TRIM48: variants seen among roughly 807,000 people sequenced by gnomAD.
TRIM48 encodes E3 ubiquitin-protein ligase TRIM48.
A neutral mutation model predicts 29.5 loss-of-function variants in TRIM48; 31 were observed. That is an observed-to-expected ratio of 1.05 (90% CI 0.79 to 1.42). TRIM48 has a LOEUF of 1.42. Among genes scored for constraint, TRIM48 ranks in the 40% most tolerant of loss-of-function variants. The pLI, the probability that TRIM48 is intolerant of heterozygous loss-of-function variation, is 0.00. For synonymous variants in TRIM48, 128 were observed against 90.6 expected (o/e 1.41, Z -2.34); for missense variants, 344 against 265.0 (o/e 1.30, Z -2.07).
chr11:55,271,112 A>G lies in TRIM48; in HGVS notation c.*677A>G. ...ACTATTAAATGTAGTAAAAACACTA[A>G]AAGTATATATATTGGTTCTTTATTA... is the stretch of plus-strand genomic sequence containing the variant. On this transcript the variant is annotated 3_prime_UTR_variant, in exon 6 of 6. Transcript: ENST00000417545. 2.5e-6 allele frequency: 2 copies of G among 791,178 alleles called. No homozygotes were observed. Among genetic ancestry groups the G allele is most frequent in the Non-Finnish European group, 3.6e-6 (2 of 553,582 alleles). The allele number at this position is 791,178 out of a possible 1,614,324, so 49.0% of individuals were successfully genotyped here.
At chr11:55,267,049 A>T (rs1161096686) in intron 3 of TRIM48, among the ~76,000 whole-genome samples, 1 of 148,134 alleles carries the variant, frequency 6.8e-6, no homozygotes, top group African/African-American at 2.5e-5. Context: ...CATATCTCAG[A>T]AATAGAAATA....
chr11:55,268,910 T>G (rs566261923), intron 4 of TRIM48, among the ~76,000 whole-genome samples: 12 of 147,882 alleles, frequency 8.1e-5, no homozygotes, highest in East Asian at 6.5e-4. Flanking sequence ...CCAGAACCCC[T>G]CTATTTCAGA....
rs139681981 is a variant in TRIM48, at chr11:55,265,893, C to G, written c.555+198C>G. On this transcript the variant is annotated intron_variant, in intron 3 of 5. Coordinates refer to ENST00000417545, the MANE Select transcript of TRIM48 (RefSeq NM_024114.5). The stretch of plus-strand genomic sequence containing the variant: ...TATTAGATGGGATTTCTAACAAAAC[C>G]GTTGATGTTACCCAAAGCATGCTGA... Among the ~76,000 whole-genome samples, 1,016 of 146,980 alleles carry G rather than the reference C, an allele frequency of 6.9e-3. 92 individuals carry two copies. The highest frequency in any genetic ancestry group is 0.024 in the African/African-American group (981 of 40,278).
chr11:55,263,324 G>A (rs922886428), intron 1 of TRIM48, among the ~76,000 whole-genome samples: 1 of 151,912 alleles, frequency 6.6e-6, no homozygotes, highest in Admixed American at 6.6e-5. Flanking sequence ...ATACCATCTA[G>A]GTTTGTAAAG....
At position 55,269,948 on chromosome 11, in the gene TRIM48, G is replaced by A. The variant is rs1348653803; in HGVS notation, c.*2-489G>A. Among the ~76,000 whole-genome samples the A allele has an allele frequency of 1.4e-5, 2 of 147,612 alleles. 1 individual carries two copies. The highest frequency in any genetic ancestry group is 5.0e-5 in the African/African-American group (2 of 40,358). ...TAACATGGAGGGCCACAGAGAGACT[G>A]GTAAAAGATTTTGCAGAAATCTGCT... On this transcript the variant is annotated intron_variant, in intron 5 of 5. Transcript: ENST00000417545.
At chr11:55,267,771 A>G (rs953363113) in intron 3 of TRIM48, 2 of 1,404,870 alleles carry the variant, frequency 1.4e-6, no homozygotes, top group Admixed American at 2.1e-5. Flanking sequence ...AACTAATGCT[A>G]CTTTATTGGG....
rs1016259762 is a variant in TRIM48, at chr11:55,267,787, A to G, written c.556-563A>G. Among the ~76,000 whole-genome samples the G allele has an allele frequency of 1.2e-4, 17 of 147,792 alleles. 2 individuals are homozygous for G. Among genetic ancestry groups the G allele is most frequent in the Non-Finnish European group, 2.1e-4 (14 of 66,892 alleles). ...ACTAATGCTACTTTATTGGGAGAGT[A>G]TAGCCCCGCCAAGGGATCCTACCAG... On this transcript the variant is annotated intron_variant, in intron 3 of 5. Coordinates refer to ENST00000417545, the MANE Select transcript of TRIM48 (RefSeq NM_024114.5).
chr11:55,267,447 A>G, intron 3 of TRIM48: 1 of 1,579,042 alleles, frequency 6.3e-7, no homozygotes, highest in South Asian at 1.2e-5. Flanking sequence ...AAAGCTGAGT[A>G]TCAGAAGATG....
At chr11:55,267,707 A>C in intron 3 of TRIM48, 2 of 1,532,706 alleles carry the variant, frequency 1.3e-6, no homozygotes, top group Non-Finnish European at 1.8e-6. Flanking sequence ...TCATGGCTGA[A>C]ATCCATCTCC....
At chr11:55,264,832 T>A in intron 1 of TRIM48, 68 bp from the exon 2 acceptor site, 1 of 1,561,972 alleles carries the variant, frequency 6.4e-7, no homozygotes, top group Non-Finnish European at 8.7e-7. Flanking sequence ...CTATCACTTA[T>A]CTCCACATGT....
At chr11:55,262,553 G>A (rs1183610111) in intron 1 of TRIM48, among the ~76,000 whole-genome samples, 1 of 152,000 alleles carries the variant, frequency 6.6e-6, no homozygotes, top group Admixed American at 6.6e-5. Flanking sequence ...AGATATGTAT[G>A]CATAATGAAT....
rs1263054228 is a variant in TRIM48, at chr11:55,265,127, C to G, written c.272C>G (p.Ser91Cys). Residue 91 changes from serine to cysteine, a missense_variant, in exon 2 of 6, where the codon TCC becomes TGC. Physicochemically the swap from Ser to Cys is moderately radical, Grantham distance 112. Coordinates refer to ENST00000417545, the MANE Select transcript of TRIM48 (RefSeq NM_024114.5). ...AACATTCGATTGAAGAAGATGGCTTCCCTTGCCAGAAAAGCCAGTCTCTGG... is the reference window on the plus strand; with the variant it reads ...AACATTCGATTGAAGAAGATGGCTTGCCTTGCCAGAAAAGCCAGTCTCTGG... ...KTNIRLKKMA[S>C]LARKASLWLF... 5 of 1,582,590 alleles carry G rather than the reference C, an allele frequency of 3.2e-6. No individual in the cohort carries two copies. The highest frequency in any genetic ancestry group is 4.3e-6 in the Non-Finnish European group (5 of 1,166,124).
intron 1 of TRIM48, among the ~76,000 whole-genome samples, chr11:55,262,952 T>A (rs953253229): frequency 3.9e-5 from 6 of 152,242 alleles, no homozygotes; most frequent in Admixed American, 3.3e-4. Context: ...TTTCATTGCT[T>A]TCACTAAAAT....
rs1189658013 is a variant in TRIM48, at chr11:55,262,307, C to T, written c.40C>T (p.Gln14Ter). Residue 14 changes from glutamine (Q) to a stop codon, truncating the protein, a stop_gained, in exon 1 of 6, where the codon CAG becomes TAG. Coordinates refer to ENST00000417545, the MANE Select transcript of TRIM48 (RefSeq NM_024114.5). LOFTEE classifies it high-confidence loss of function. The stretch of plus-strand genomic sequence containing the variant: ...CATTGTGGGAACCCTTCAAAGAACC[C>T]AGCGGTGAGTGAAACTTATATTGAT... ...RIIVGTLQRT[Q>*]RNMNSGISQV... 3 of 1,546,860 alleles carry T rather than the reference C, an allele frequency of 1.9e-6. No homozygotes were observed. The highest frequency in any genetic ancestry group is 2.4e-5 in the South Asian group (2 of 83,930).
At position 55,271,020 on chromosome 11, in the gene TRIM48, G is replaced by A; in HGVS notation, c.*585G>A. On this transcript the variant is annotated 3_prime_UTR_variant, in exon 6 of 6. Coordinates refer to ENST00000417545, the MANE Select transcript of TRIM48 (RefSeq NM_024114.5). ...CCTCTTCCTTGTGCCTTATCAAACAGGACAAATAGGTTCGGTTTTATGTCT... is the reference window on the plus strand; with the variant it reads ...CCTCTTCCTTGTGCCTTATCAAACAAGACAAATAGGTTCGGTTTTATGTCT... The A allele has an allele frequency of 6.9e-7, 1 of 1,442,578 alleles. No individual in the cohort carries two copies. The highest frequency in any genetic ancestry group is 9.3e-7 in the Non-Finnish European group (1 of 1,079,590). The allele number at this position is 1,442,578 out of a possible 1,614,324, so 89.4% of individuals were successfully genotyped here.
intron 5 of TRIM48, among the ~76,000 whole-genome samples, chr11:55,270,027 C>G (rs1392127863): frequency 6.8e-6 from 1 of 147,822 alleles, no homozygotes; most frequent in Non-Finnish European, 1.5e-5. Flanking sequence ...TTATCTAGAG[C>G]AGTTCTTGAG....
intron 5 of TRIM48, 77 bp downstream of exon 5, chr11:55,269,416 C>A (rs1396808892): frequency 3.3e-6 from 5 of 1,499,836 alleles, no homozygotes; most frequent in African/African-American, 1.4e-5. Context: ...AATATTTCAT[C>A]CTTTATCAAA....
Position 55,266,666 on chromosome 11 carries a change from A to G in TRIM48, c.555+971A>G, listed in dbSNP as rs193060370. On this transcript the variant is annotated intron_variant, in intron 3 of 5. Coordinates refer to ENST00000417545, the MANE Select transcript of TRIM48 (RefSeq NM_024114.5). The stretch of plus-strand genomic sequence containing the variant: ...TTAAAATAGGGTGGTCAGAAAAAAG[A>G]CTCACTGAAAAATTCAAATTGAACA... Among the ~76,000 whole-genome samples the G allele has an allele frequency of 1.8e-4, 27 of 147,858 alleles. No homozygotes were observed. The Admixed American group carries it at 1.9e-3, about 10-fold the overall frequency.
Position 55,265,690 on chromosome 11 carries a change from T to C in TRIM48, c.550T>C (p.Trp184Arg), listed in dbSNP as rs1408929382. 8 of 1,579,598 alleles carry C rather than the reference T, an allele frequency of 5.1e-6. 1 individual carries two copies. Among genetic ancestry groups the C allele is most frequent in the Non-Finnish European group, 6.9e-6 (8 of 1,164,332 alleles). ...LNVETTRISH[W>R]KAFGDILYRS... The stretch of plus-strand genomic sequence containing the variant: ...TGTGGAAACCACCAGAATCAGCCAC[T>C]GGAAGGTTAGTCCTGTAATACCCTA... The change falls in exon 3 of 6, where the codon TGG becomes CGG. Residue 184 changes from tryptophan to arginine, a missense_variant. Transcript: ENST00000417545.
Sources: allele counts gnomAD v4.1 joint callset (sites outside exome capture counted in the v4.1 genomes callset), GRCh38; gene constraint gnomAD v4.1.1; transcripts MANE v1.5; gene names NCBI Gene and HGNC (gene_info 2026-07-23, HGNC 2026-07-21).